TCTN3: variants seen among roughly 807,000 people sequenced by gnomAD.
The protein encoded by TCTN3 is tectonic-3.
TCTN3 carries 57 observed loss-of-function variants against 71.3 expected under a neutral mutation model. The ratio of observed to expected loss-of-function variants is 0.80; its 90% CI spans 0.65 to 1.00. The LOEUF is 1.00. Among genes scored for constraint, TCTN3 ranks in the 50% least tolerant of loss-of-function variants. The probability of loss-of-function intolerance (pLI) is 0.00; values close to 1 mark genes in which losing one functional copy is unlikely to be tolerated. For synonymous variants in TCTN3, 258 were observed against 267.8 expected (o/e 0.96, Z 0.36); for missense variants, 696 against 719.9 (o/e 0.97, Z 0.38).
At chr10:95,675,091 T>G (rs896583293) in intron 13 of TCTN3, among the ~76,000 whole-genome samples, 1 of 152,098 alleles carries the variant, frequency 6.6e-6, no homozygotes, top group Non-Finnish European at 1.5e-5. Flanking sequence ...TTTCAAGTGG[T>G]TATATGTTTT....
chr10:95,672,515 C>A (rs1163892150), intron 13 of TCTN3, among the ~76,000 whole-genome samples: 1 of 152,012 alleles, frequency 6.6e-6, no homozygotes, highest in Non-Finnish European at 1.5e-5. Flanking sequence ...TCCAGTTGTT[C>A]TACATTCTTG....
intron 13 of TCTN3, among the ~76,000 whole-genome samples, chr10:95,676,522 C>T (rs2097937327): frequency 6.6e-6 from 1 of 152,082 alleles, no homozygotes; most frequent in South Asian, 2.1e-4. Flanking sequence ...ATCACATTTT[C>T]TGTTGTGATA....
intron 13 of TCTN3, among the ~76,000 whole-genome samples, chr10:95,668,879 A>C (rs1472484584): frequency 6.6e-6 from 1 of 152,244 alleles, no homozygotes; most frequent in East Asian, 1.9e-4. Flanking sequence ...TGGAACTGAT[A>C]GATAATATGG....
At position 95,687,212 on chromosome 10, in the gene TCTN3, G is replaced by C. The variant is rs375674843; in HGVS notation, c.736+35C>G. The C allele has an allele frequency of 6.7e-4, 1,073 of 1,611,840 alleles. 11 individuals are homozygous for C. The highest frequency in any genetic ancestry group is 6.5e-3 in the South Asian group (588 of 90,990). On this transcript the variant is annotated intron_variant, in intron 5 of 13. Coordinates refer to ENST00000371217, the MANE Select transcript of TCTN3 (RefSeq NM_015631.6). ...TAAATGAGAAAGCCTGTTTTAAATT[G>C]AATGAAAAGGTTGGTACTTTTGCTC...
Position 95,684,506 on chromosome 10 carries a change from C to A in TCTN3, c.1088G>T (p.Arg363Leu). 4 of 1,613,912 alleles carry A rather than the reference C, an allele frequency of 2.5e-6. No individual in the cohort carries two copies. Among genetic ancestry groups the A allele is most frequent in the Non-Finnish European group, 3.4e-6 (4 of 1,179,866 alleles). Residue 363 changes from arginine (R) to leucine (L), a missense_variant, in exon 9 of 14, where the codon CGC (arginine) becomes CTC (leucine). Arg to Leu is a moderately radical substitution (Grantham distance 102, BLOSUM62 -2). Transcript: ENST00000371217. ...GASLQQHFIL[R>L]FRAFQQSTAA... is the part of the protein sequence containing the mutation. Reference sequence around the variant, plus strand: ...TAAGAGAAGGGCCCTAACCCTGAAGCGAAGGATGAAGTGTTGCTGTAAGGA... The same window carrying A: ...TAAGAGAAGGGCCCTAACCCTGAAGAGAAGGATGAAGTGTTGCTGTAAGGA...
intron 9 of TCTN3, 78 bp downstream of exon 9, chr10:95,684,421 G>A (rs746587586): frequency 1.3e-6 from 2 of 1,553,722 alleles, no homozygotes; most frequent in East Asian, 2.3e-5. Flanking sequence ...TATTTCACAT[G>A]TATTACAGAA....
At position 95,687,119 on chromosome 10, in the gene TCTN3, G is replaced by GA. The variant is rs750644251; in HGVS notation, c.776dup (p.Lys260GlnfsTer5). 9.3e-6 allele frequency: 15 copies of GA among 1,614,042 alleles called. No individual in the cohort carries two copies. In the East Asian group the frequency reaches 1.3e-4, roughly 14 times the overall value. On this transcript the variant is annotated frameshift_variant, in exon 6 of 14. Coordinates refer to ENST00000371217, the MANE Select transcript of TCTN3 (RefSeq NM_015631.6). LOFTEE classifies it high-confidence loss of function. ...AGGTACAGCTACTAGCCAGGTTCTT[G>GA]AAAAAACGAGTGCAAGTTGTACTTT... is the stretch of plus-strand genomic sequence containing the variant.
intron 13 of TCTN3, among the ~76,000 whole-genome samples, chr10:95,676,500 C>T (rs932613249): frequency 3.9e-5 from 6 of 151,974 alleles, no homozygotes; most frequent in South Asian, 2.1e-4. Context: ...TCACCGCGCC[C>T]GGCCAGAAAA....
chr10:95,690,841 G>A (rs2097952836), intron 3 of TCTN3, among the ~76,000 whole-genome samples: 1 of 152,172 alleles, frequency 6.6e-6, no homozygotes, highest in South Asian at 2.1e-4. Context: ...GATGCTATGT[G>A]TGTATATGTG....
chr10:95,680,542 A>G lies in TCTN3; in HGVS notation c.1520T>C (p.Val507Ala), dbSNP rs1017501824. The change falls in exon 13 of 14, where the codon GTA becomes GCA. Residue 507 changes from valine to alanine, a missense_variant. Val to Ala is a moderately conservative substitution (Grantham distance 64, BLOSUM62 0). Transcript: ENST00000371217. Reference sequence around the variant, plus strand: ...AGCTTGCGGGTTGGACAGGAGACCTACATATGCCCACAATACCTGGATCTC... The same window carrying G: ...AGCTTGCGGGTTGGACAGGAGACCTGCATATGCCCACAATACCTGGATCTC... ...SLEIQVLWAY[V>A]GLLSNPQAHV... The G allele has an allele frequency of 6.2e-7, 1 of 1,614,184 alleles. No individual in the cohort carries two copies. Among genetic ancestry groups the G allele is most frequent in the Non-Finnish European group, 8.5e-7 (1 of 1,180,024 alleles).
chr10:95,671,610 C>A (rs976329342), intron 13 of TCTN3, among the ~76,000 whole-genome samples: 3 of 152,178 alleles, frequency 2.0e-5, no homozygotes, highest in African/African-American at 7.2e-5. Context: ...TTTGTAGCTG[C>A]ATTCAGACTA....
Position 95,693,706 on chromosome 10 carries a change from G to A in TCTN3, c.194C>T (p.Thr65Ile), listed in dbSNP as rs2097955954. 1.9e-6 allele frequency: 3 copies of A among 1,551,728 alleles called. No individual in the cohort carries two copies. The highest frequency in any genetic ancestry group is 2.6e-6 in the Non-Finnish European group (3 of 1,147,006). ...ATRPAVPGLP[T>I]VVPTLVTPSA... ...GGGAGTCACGAGAGTAGGGACCACTGTAGGGAGTCCAGGCACGGCCGGGCG... is the reference window on the plus strand; with the variant it reads ...GGGAGTCACGAGAGTAGGGACCACTATAGGGAGTCCAGGCACGGCCGGGCG... Residue 65 changes from threonine to isoleucine, a missense_variant, in exon 1 of 14, where the codon ACA becomes ATA. Physicochemically the swap from Thr to Ile is moderately conservative, Grantham distance 89. Transcript: ENST00000371217.
chr10:95,681,412 C>T (rs74805311), intron 12 of TCTN3, among the ~76,000 whole-genome samples: 2,683 of 152,212 alleles, frequency 0.018, 38 homozygotes, highest in South Asian at 0.048. Flanking sequence ...CTGAGTATCT[C>T]CTATGTGTGA....
At chr10:95,693,537 C>T (rs2097955702) in intron 1 of TCTN3, 61 bp from the exon 2 acceptor site, 4 of 1,550,026 alleles carry the variant, frequency 2.6e-6, no homozygotes, top group South Asian at 1.2e-5. Context: ...CAGGTGCTCA[C>T]CCTCCTTCTT....
At position 95,670,158 on chromosome 10, in the gene TCTN3, C is replaced by T. The variant is rs2097929588; in HGVS notation, c.1591-5858G>A. 6.1e-5 allele frequency among the ~76,000 whole-genome samples: 9 copies of T among 148,448 alleles called. 1 individual carries two copies. In the South Asian group the frequency reaches 1.9e-3, roughly 32 times the overall value. ...GGTAATTAGGATCTTAATGGTTGTG[C>T]TTAATTAATTCATGTATTTATTAAC... is the stretch of plus-strand genomic sequence containing the variant. On this transcript the variant is annotated intron_variant, in intron 13 of 13. Transcript: ENST00000371217.
At position 95,685,614 on chromosome 10, in the gene TCTN3, G is replaced by T. The variant is rs1024201294; in HGVS notation, c.911C>A (p.Thr304Asn). 2 of 1,551,244 alleles carry T rather than the reference G, an allele frequency of 1.3e-6. No homozygotes were observed. The highest frequency in any genetic ancestry group is 8.7e-7 in the Non-Finnish European group (1 of 1,146,792). Reference sequence around the variant, plus strand: ...CAACAGAGGAGCATTAGCCTGTGAGGTAAGTATTACAGGAACCTGGAACTA... The same window carrying T: ...CAACAGAGGAGCATTAGCCTGTGAGTTAAGTATTACAGGAACCTGGAACTA... ...NMEFQVPVIL[T>N]SQANAPLLAG... The change falls in exon 8 of 14, where the codon ACC becomes AAC. Residue 304 changes from threonine (T) to asparagine (N), a missense_variant. Transcript: ENST00000371217.
chr10:95,684,513 T>C lies in TCTN3; in HGVS notation c.1081A>G (p.Ile361Val). 2 of 1,613,992 alleles carry C rather than the reference T, an allele frequency of 1.2e-6. No homozygotes were observed. The highest frequency in any genetic ancestry group is 1.7e-6 in the Non-Finnish European group (2 of 1,179,900). ...EPGASLQQHF[I>V]LRFRAFQQST... ...AGGGCCCTAACCCTGAAGCGAAGGA[T>C]GAAGTGTTGCTGTAAGGAAGCGCCT... Residue 361 changes from isoleucine to valine, a missense_variant, in exon 9 of 14, where the codon ATC (isoleucine) becomes GTC (valine). Coordinates refer to ENST00000371217, the MANE Select transcript of TCTN3 (RefSeq NM_015631.6).
intron 13 of TCTN3, among the ~76,000 whole-genome samples, chr10:95,665,979 C>T (rs889204571): frequency 1.5e-4 from 22 of 150,446 alleles, no homozygotes; most frequent in Admixed American, 8.0e-4. Flanking sequence ...CTTGCTCTGT[C>T]GCCCAGGCTG....
intron 13 of TCTN3, among the ~76,000 whole-genome samples, chr10:95,667,102 G>A (rs1318063797): frequency 6.6e-6 from 1 of 152,058 alleles, no homozygotes; most frequent in African/African-American, 2.4e-5. Context: ...GCAAACCTTA[G>A]GCCAATGTCT....
Sources: allele counts gnomAD v4.1 joint callset (sites outside exome capture counted in the v4.1 genomes callset), GRCh38; gene constraint gnomAD v4.1.1; transcripts MANE v1.5; gene names NCBI Gene and HGNC (gene_info 2026-07-23, HGNC 2026-07-21).